Variants in NDST4 observed in about 807,000 individuals in gnomAD.
The protein encoded by NDST4 is N-heparan sulfate sulfotransferase 4.
A neutral mutation model predicts 100.8 loss-of-function variants in NDST4; 63 were observed. That is an observed-to-expected ratio of 0.62 (90% CI 0.51 to 0.77). NDST4 has a LOEUF of 0.77. NDST4 is among the 30% of genes least tolerant of loss of function. The probability of loss-of-function intolerance (pLI) is 0.00; values close to 1 mark genes in which losing one functional copy is unlikely to be tolerated. For missense variants in NDST4, 943 were observed against 1,018.4 expected (o/e 0.93, Z 1.01); for synonymous variants, 377 against 361.8 (o/e 1.04, Z -0.48).
chr4:115,085,728 T>G (rs1729397061), intron 1 of NDST4, among the ~76,000 whole-genome samples: 1 of 152,170 alleles, frequency 6.6e-6, no homozygotes, highest in Non-Finnish European at 1.5e-5. Flanking sequence ...CATGTGGAAC[T>G]GTGAGTCAAT....
intron 1 of NDST4, among the ~76,000 whole-genome samples, chr4:115,100,294 A>T (rs1729705046): frequency 6.6e-6 from 1 of 152,118 alleles, no homozygotes; most frequent in East Asian, 1.9e-4. Flanking sequence ...CATAGGATAT[A>T]AAACACCAAG....
chr4:115,081,569 T>C (rs1410936206), intron 1 of NDST4, among the ~76,000 whole-genome samples: 7 of 152,064 alleles, frequency 4.6e-5, no homozygotes, highest in African/African-American at 7.2e-5. Context: ...AATAAGACAA[T>C]TGAGATTAAT....
At chr4:115,068,637 T>C (rs1453144397) in intron 2 of NDST4, among the ~76,000 whole-genome samples, 2 of 92,610 alleles carry the variant, frequency 2.2e-5, no homozygotes, top group African/African-American at 9.0e-5. Context: ...TGAAACCCCA[T>C]CTCCAAAAAA....
At chr4:114,858,260 T>C (rs1267413327) in intron 7 of NDST4, among the ~76,000 whole-genome samples, 2 of 152,260 alleles carry the variant, frequency 1.3e-5, no homozygotes, top group East Asian at 3.8e-4. Flanking sequence ...ATGATTCACC[T>C]ACATCAGGTT....
chr4:114,879,998 T>C (rs1414966471), intron 6 of NDST4, among the ~76,000 whole-genome samples: 1 of 152,168 alleles, frequency 6.6e-6, no homozygotes, highest in Non-Finnish European at 1.5e-5. Context: ...AAATCAAAAC[T>C]GTTTTGATTC....
intron 2 of NDST4, among the ~76,000 whole-genome samples, chr4:115,029,780 A>G (rs763860775): frequency 1.3e-5 from 2 of 152,108 alleles, no homozygotes; most frequent in Non-Finnish European, 1.5e-5. Flanking sequence ...ATATTTAGCT[A>G]CAGAGAGAAC....
At chr4:115,085,317 C>T (rs1729388261) in intron 1 of NDST4, among the ~76,000 whole-genome samples, 1 of 152,142 alleles carries the variant, frequency 6.6e-6, no homozygotes, top group Non-Finnish European at 1.5e-5. Flanking sequence ...ACAGAAGGGA[C>T]TTGCCTTGTC....
intron 2 of NDST4, among the ~76,000 whole-genome samples, chr4:115,011,444 C>T (rs548384138): frequency 1.7e-4 from 25 of 151,382 alleles, no homozygotes; most frequent in African/African-American, 5.9e-4. Flanking sequence ...GGAGTTTAGA[C>T]TAACATGAAG....
At chr4:114,853,844 T>C (rs868762546) in intron 7 of NDST4, among the ~76,000 whole-genome samples, 1 of 152,114 alleles carries the variant, frequency 6.6e-6, no homozygotes. Flanking sequence ...TATGGCTACA[T>C]AGTGGGTATA....
rs183756743 is a variant in NDST4, at chr4:114,860,420, A to C, written c.1720-7599T>G. Among the ~76,000 whole-genome samples the C allele has an allele frequency of 2.5e-3, 378 of 152,152 alleles. 2 individuals are homozygous for C. Among genetic ancestry groups the C allele is most frequent in the Non-Finnish European group, 2.5e-3 (169 of 68,006 alleles). ...TTCCCAGCTAGAGAGTATATTTCAC[A>C]CTCTTTCTTCAATGTAGCTTTCTTC... is the stretch of plus-strand genomic sequence containing the variant. On this transcript the variant is annotated intron_variant, in intron 7 of 13. Transcript: ENST00000264363.
chr4:115,094,214 A>G (rs1441810844), intron 1 of NDST4, among the ~76,000 whole-genome samples: 1 of 152,144 alleles, frequency 6.6e-6, no homozygotes, highest in African/African-American at 2.4e-5. Context: ...ATTAAAATGT[A>G]AGGTTTAGAG....
At chr4:115,098,908 A>C (rs893268637) in intron 1 of NDST4, among the ~76,000 whole-genome samples, 4 of 152,100 alleles carry the variant, frequency 2.6e-5, no homozygotes, top group East Asian at 1.9e-4. Context: ...TGGTCTCACT[A>C]TGTTACCTAG....
intron 11 of NDST4, among the ~76,000 whole-genome samples, chr4:114,838,268 T>A (rs774481636): frequency 3.5e-4 from 54 of 152,186 alleles, no homozygotes; most frequent in Admixed American, 7.2e-4. Context: ...TGGCAATTCT[T>A]CAAGGATCTA....
At chr4:115,005,276 A>T (rs568912554) in intron 2 of NDST4, among the ~76,000 whole-genome samples, 1 of 152,302 alleles carries the variant, frequency 6.6e-6, no homozygotes, top group African/African-American at 2.4e-5. Flanking sequence ...AGACCTAATA[A>T]ACACATTACA....
chr4:115,081,127 C>A (rs1188122780), intron 1 of NDST4, among the ~76,000 whole-genome samples: 2 of 151,212 alleles, frequency 1.3e-5, no homozygotes, highest in Non-Finnish European at 2.9e-5. Context: ...GGGCAAGAAT[C>A]TGCCAACCCA....
intron 2 of NDST4, among the ~76,000 whole-genome samples, chr4:115,053,359 T>C (rs1434321536): frequency 2.0e-5 from 3 of 152,162 alleles, no homozygotes; most frequent in African/African-American, 7.2e-5. Flanking sequence ...GATGAGATAA[T>C]TGTCTCAGGG....
intron 2 of NDST4, among the ~76,000 whole-genome samples, chr4:115,015,080 C>T (rs1727646017): frequency 6.6e-6 from 1 of 152,094 alleles, no homozygotes; most frequent in Admixed American, 6.6e-5. Flanking sequence ...AGCAGCGCTC[C>T]ACTGGGGTCA....
chr4:114,958,935 G>T (rs1726199755), intron 4 of NDST4, among the ~76,000 whole-genome samples: 2 of 152,006 alleles, frequency 1.3e-5, no homozygotes, highest in Admixed American at 1.3e-4. Flanking sequence ...AAGCACCAAA[G>T]TCACCTCTTG....
chr4:114,931,584 GATAA>G (rs1437216634), intron 6 of NDST4, among the ~76,000 whole-genome samples: 1 of 151,576 alleles, frequency 6.6e-6, no homozygotes, highest in African/African-American at 2.4e-5. Flanking sequence ...TTTTTAAAAA[GATAA>G]ATAAAATTAG....
Sources: gnomAD v4.1 joint callset for allele counts (sites outside exome capture counted in the v4.1 genomes callset) on GRCh38, gnomAD v4.1.1 for gene constraint, MANE v1.5 for transcripts, NCBI Gene and HGNC (gene_info 2026-07-23, HGNC 2026-07-21) for gene names.